Variants in GRM4 observed in about 807,000 individuals in gnomAD.
The protein encoded by GRM4 is metabotropic glutamate receptor 4.
In GRM4, 28 loss-of-function variants were observed where a neutral mutation model predicts 81.7. The observed-to-expected ratio is 0.34, with a 90% CI of 0.25 to 0.47. GRM4 has a LOEUF of 0.47. GRM4 is among the 20% of genes least tolerant of loss of function. GRM4 has a pLI of 1.00. For synonymous variants in GRM4, 488 were observed against 528.8 expected, an observed-to-expected ratio of 0.92 and a Z score of 1.06; for missense variants, 948 against 1,290.0, an observed-to-expected ratio of 0.73 and a Z score of 4.06.
intron 2 of GRM4, among the ~76,000 whole-genome samples, chr6:34,129,909 C>A (rs1224356585): frequency 1.3e-5 from 2 of 152,188 alleles, no homozygotes; most frequent in Non-Finnish European, 2.9e-5. Context: ...CTGAGCCAAG[C>A]ACCGGAAGTC....
intron 2 of GRM4, among the ~76,000 whole-genome samples, chr6:34,131,745 G>C (rs1446841533): frequency 6.6e-6 from 1 of 152,158 alleles, no homozygotes; most frequent in Non-Finnish European, 1.5e-5. Flanking sequence ...GTCCCGGTGA[G>C]AGTGGTCCAG....
In GRM4 at chr6:34,129,619, C is replaced by A. The variant is rs538482029; in HGVS notation, c.519+3359G>T. On this transcript the variant is annotated intron_variant, in intron 2 of 10. Coordinates refer to ENST00000538487, the MANE Select transcript of GRM4 (RefSeq NM_000841.4). ...AGACCTATGAGTTCCCAGAGTCAGG[C>A]CTTCTGGTCCGCAACAGAGGCCTGT... Among the ~76,000 whole-genome samples the A allele has an allele frequency of 7.6e-4, 116 of 152,322 alleles. 2 individuals are homozygous for A. Among genetic ancestry groups the A allele is most frequent in the African/African-American group, 2.6e-3 (110 of 41,570 alleles).
chr6:34,101,957 G>T lies in GRM4; in HGVS notation c.520-9858C>A, dbSNP rs1021170819. On this transcript the variant is annotated intron_variant, in intron 2 of 10. Transcript: ENST00000538487. ...CGGAGGCCAGGGGTATGGCCAGGAC[G>T]TGTGGACCTCCACTGCCACCTGTGC... 6.7e-6 allele frequency: 10 copies of T among 1,490,750 alleles called. No individual in the cohort carries two copies. The Admixed American group carries it at 1.8e-4, about 26-fold the overall frequency. 92.3% of individuals were successfully genotyped at this position (1,490,750 alleles called of 1,614,324 possible).
intron 3 of GRM4, among the ~76,000 whole-genome samples, chr6:34,087,939 T>G (rs1581678951): frequency 6.6e-6 from 1 of 152,078 alleles, no homozygotes; most frequent in Non-Finnish European, 1.5e-5. Flanking sequence ...CCTGTAGTTT[T>G]GTCTCTAGCC....
At chr6:34,100,262 C>T (rs1217888819) in intron 2 of GRM4, among the ~76,000 whole-genome samples, 2 of 152,210 alleles carry the variant, frequency 1.3e-5, no homozygotes, top group Admixed American at 6.5e-5. Flanking sequence ...TCTGCTCCTC[C>T]CCCCGGTCTG....
At chr6:34,041,654 C>G (rs774081719) in intron 6 of GRM4, among the ~76,000 whole-genome samples, 30 of 152,160 alleles carry the variant, frequency 2.0e-4, no homozygotes, top group Non-Finnish European at 3.2e-4. Context: ...AAACACTTGA[C>G]AGCCAGCAGA....
At position 34,133,698 on chromosome 6, in the gene GRM4, C is replaced by T. The variant is rs1187560101; in HGVS notation, c.-202G>A. 7.5e-7 allele frequency: 1 copy of T among 1,327,264 alleles called. No individual in the cohort carries two copies. The highest frequency in any genetic ancestry group is 1.5e-5 in the African/African-American group (1 of 67,084). The allele number at this position is 1,327,264 out of a possible 1,614,324, so 82.2% of individuals were successfully genotyped here. A position where few individuals can be genotyped will look rare whatever the true frequency, so the allele number is the denominator to read the frequency against. On this transcript the variant is annotated 5_prime_UTR_variant, in exon 2 of 11. It introduces an in-frame stop codon into an upstream open reading frame of the 5' UTR. Transcript: ENST00000538487. The surrounding 1 kb of genome is among the most constrained non-coding windows in gnomAD (Gnocchi z 6.5). The stretch of plus-strand genomic sequence containing the variant: ...CACAGTTGCCCGCACAGTCCAGGCC[C>T]ACAGACAGCAGGCAGTGGCCGGGGT...
rs1765914539 is a variant in GRM4, at chr6:34,056,690, A to G, written c.1028-6T>C. 8 of 1,612,264 alleles carry G rather than the reference A, an allele frequency of 5.0e-6. No individual in the cohort carries two copies. The highest frequency in any genetic ancestry group is 1.7e-5 in the Admixed American group (1 of 59,944). On this transcript the variant is annotated splice_polypyrimidine_tract_variant and splice_region_variant and intron_variant, in intron 5 of 10. Coordinates refer to ENST00000538487, the MANE Select transcript of GRM4 (RefSeq NM_000841.4). ...GGAGAAGTAGCGGTCGAAGCCTGGCAGGGAACCAGGACGTCAGGGCCTCAC... is the reference window on the plus strand; with the variant it reads ...GGAGAAGTAGCGGTCGAAGCCTGGCGGGGAACCAGGACGTCAGGGCCTCAC...
chr6:34,056,734 GC>G, intron 5 of GRM4, 50 bp from the exon 6 acceptor site: 1 of 1,584,820 alleles, frequency 6.3e-7, no homozygotes, highest in Non-Finnish European at 8.6e-7. Flanking sequence ...TTCCCCACCA[GC>G]CCCAGCCCTC....
chr6:34,028,076 C>G, intron 10 of GRM4, 44 bp downstream of exon 10: 1 of 1,570,234 alleles, frequency 6.4e-7, no homozygotes, highest in Non-Finnish European at 8.6e-7. Context: ...GCAAAAGGAG[C>G]GGGGCCTGGG....
Position 34,026,723 on chromosome 6 carries a change from G to A in GRM4, c.2689+1397C>T, listed in dbSNP as rs115446073. 2.0e-3 allele frequency among the ~76,000 whole-genome samples: 299 copies of A among 152,318 alleles called. 2 individuals are homozygous for A. The highest frequency in any genetic ancestry group is 6.9e-3 in the African/African-American group (287 of 41,570). On this transcript the variant is annotated intron_variant, in intron 10 of 10. Coordinates refer to ENST00000538487, the MANE Select transcript of GRM4 (RefSeq NM_000841.4). ...ACTGAGCCATCAGAGCTCTCTGTGAGGGCCCCACCCTTTATGGGACCCTCT... is the reference window on the plus strand; with the variant it reads ...ACTGAGCCATCAGAGCTCTCTGTGAAGGCCCCACCCTTTATGGGACCCTCT...
chr6:34,050,233 G>GCT (rs1226586397), intron 6 of GRM4, among the ~76,000 whole-genome samples: 1 of 152,004 alleles, frequency 6.6e-6, no homozygotes, highest in Non-Finnish European at 1.5e-5. Context: ...TCTCCACATG[G>GCT]CTCTCTCTCT....
chr6:34,056,993 G>A (rs2127459268), intron 5 of GRM4, among the ~76,000 whole-genome samples: 1 of 152,286 alleles, frequency 6.6e-6, no homozygotes, highest in East Asian at 1.9e-4. Context: ...TTGAGAAGGA[G>A]CCGCCTGGGA....
chr6:34,110,684 G>C, intron 2 of GRM4: 1 of 1,504,400 alleles, frequency 6.6e-7, no homozygotes, highest in Non-Finnish European at 8.9e-7. Flanking sequence ...CTCTCCAGGA[G>C]CGTGTGTCTG....
At chr6:34,032,715 G>C (rs1443895570) in intron 9 of GRM4, among the ~76,000 whole-genome samples, 1 of 152,156 alleles carries the variant, frequency 6.6e-6, no homozygotes. Context: ...CTCCTAAAAA[G>C]GCAGGAATCA....
At position 34,032,602 on chromosome 6, in the gene GRM4, G is replaced by C. The variant is rs1764492827; in HGVS notation, c.2442+3066C>G. ...CCAGGGAGAGAGCACACTGGTGTGA[G>C]GCCAGCCTGTCGTATGACCTGGGAC... is the stretch of plus-strand genomic sequence containing the variant. On this transcript the variant is annotated intron_variant, in intron 9 of 10. Coordinates refer to ENST00000538487, the MANE Select transcript of GRM4 (RefSeq NM_000841.4). Among the ~76,000 whole-genome samples, 7 of 152,252 alleles carry C rather than the reference G, an allele frequency of 4.6e-5. 1 individual carries two copies. The South Asian group carries it at 1.4e-3, about 31-fold the overall frequency.
Position 34,019,883 on chromosome 6 carries a change from C to T in GRM4, c.*2938G>A, listed in dbSNP as rs1459920011. The T allele has an allele frequency of 6.6e-6, 1 of 152,254 alleles. No individual in the cohort carries two copies. The highest frequency in any genetic ancestry group is 2.4e-5 in the African/African-American group (1 of 41,440). The allele number at this position is 152,254 out of a possible 1,614,324, so 9.4% of individuals were successfully genotyped here. ...CATGGGCATCAGGGCAGGTCCCACC[C>T]AGGCCAGCTGTGGGCCCCAGCCCTG... On this transcript the variant is annotated 3_prime_UTR_variant, in exon 11 of 11. Transcript: ENST00000538487.
Position 34,073,672 on chromosome 6 carries a change from G to A in GRM4, c.737-11644C>T, listed in dbSNP as rs578119870. 8.5e-5 allele frequency among the ~76,000 whole-genome samples: 13 copies of A among 152,060 alleles called. No homozygotes were observed. The East Asian group carries it at 2.5e-3, about 29-fold the overall frequency. On this transcript the variant is annotated intron_variant, in intron 3 of 10. Transcript: ENST00000538487. Reference sequence around the variant, plus strand: ...ACCCCCACCCTCACACTGCCTGGTGGCTCTCACACAGTCACCGCACGTGAA... The same window carrying A: ...ACCCCCACCCTCACACTGCCTGGTGACTCTCACACAGTCACCGCACGTGAA...
Position 34,064,444 on chromosome 6 carries a change from G to A in GRM4, c.737-2416C>T, listed in dbSNP as rs545777570. On this transcript the variant is annotated intron_variant, in intron 3 of 10. Transcript: ENST00000538487. The surrounding 1 kb of genome is among the most constrained non-coding windows in gnomAD (Gnocchi z 4.4). Reference sequence around the variant, plus strand: ...TGAACTTGGGCCATCTGGCTCCAGCGGCCACCTTTCATCCAGTCATGTAGT... The same window carrying A: ...TGAACTTGGGCCATCTGGCTCCAGCAGCCACCTTTCATCCAGTCATGTAGT... Among the ~76,000 whole-genome samples, 3 of 152,312 alleles carry A rather than the reference G, an allele frequency of 2.0e-5. No homozygotes were observed. The East Asian group carries it at 5.8e-4, about 29-fold the overall frequency.
Sources: gnomAD v4.1 joint callset for allele counts (sites outside exome capture counted in the v4.1 genomes callset) on GRCh38, gnomAD v4.1.1 for gene constraint, Gnocchi (gnomAD v3.1) non-coding constraint, MANE v1.5 for transcripts, NCBI Gene and HGNC (gene_info 2026-07-23, HGNC 2026-07-21) for gene names.